The following PITRM1 variants were observed in gnomAD, a reference collection of about 807,000 sequenced individuals.
The protein encoded by PITRM1 is pitrilysin metallopeptidase 1.
In PITRM1, 100 loss-of-function variants were observed where a neutral mutation model predicts 129.9. That is an observed-to-expected ratio of 0.77 (90% CI 0.65 to 0.91). PITRM1 has a LOEUF of 0.91. Among genes scored for constraint, PITRM1 ranks in the 40% least tolerant of loss-of-function variants. The pLI, the probability that PITRM1 is intolerant of heterozygous loss-of-function variation, is 0.00. For missense variants in PITRM1, 1,471 were observed against 1,318.3 expected (o/e 1.12, Z -1.79); for synonymous variants, 591 against 508.8 (o/e 1.16, Z -2.17).
Position 3,143,396 on chromosome 10 carries a change from G to A in PITRM1, c.2638C>T (p.His880Tyr). ...IRTVPYTDPD[H>Y]ASLKILARLM... is the part of the protein sequence containing the mutation. ...CGACCTACACCCTCCTACCTGGCAT[G>A]ATCTGGGTCCGTGTAGGGGACAGTT... Residue 880 changes from histidine to tyrosine, a missense_variant, in exon 23 of 27, where the codon CAT becomes TAT. By Grantham distance (83) the His-to-Tyr change is moderately conservative. Transcript: ENST00000224949. 2 of 1,603,466 alleles carry A rather than the reference G, an allele frequency of 1.2e-6. No individual in the cohort carries two copies. The highest frequency in any genetic ancestry group is 8.5e-7 in the Non-Finnish European group (1 of 1,170,258).
At chr10:3,146,541 C>T (rs1180436654) in intron 20 of PITRM1, 3 of 152,398 alleles carry the variant, frequency 2.0e-5, no homozygotes, top group African/African-American at 7.2e-5. Flanking sequence ...CCAGGCTTCA[C>T]CTCTGGCCAC....
Position 3,163,669 on chromosome 10 carries a change from CACAA to C in PITRM1, c.791+52_791+55del, listed in dbSNP as rs543965496. The stretch of plus-strand genomic sequence containing the variant: ...AAGCCATGCCATAAACTGTTAAGAA[CACAA>C]ACAAGTCAACTTTTCACAATCCACC... On this transcript the variant is annotated intron_variant, in intron 7 of 26. Coordinates refer to ENST00000224949, the MANE Select transcript of PITRM1 (RefSeq NM_014889.4). 1.0e-4 allele frequency: 148 copies of C among 1,445,158 alleles called. No homozygotes were observed. The African/African-American group carries it at 1.4e-3, about 14-fold the overall frequency. The allele number at this position is 1,445,158 out of a possible 1,614,324, so 89.5% of individuals were successfully genotyped here. A position where few individuals can be genotyped will look rare whatever the true frequency, so the allele number is the denominator to read the frequency against.
rs1305330364 is a variant in PITRM1 at position 3,140,530 on chromosome 10, T to C, written c.2771+157A>G. On this transcript the variant is annotated intron_variant, in intron 24 of 26. Transcript: ENST00000224949. ...CCTAATCCTCGCGCCAGAAAGGACA[T>C]TGCTGGGTGTGGCTAAGTGCCCAAG... Among the ~76,000 whole-genome samples, 6 of 152,150 alleles carry C rather than the reference T, an allele frequency of 3.9e-5. No homozygotes were observed. The East Asian group carries it at 1.2e-3, about 29-fold the overall frequency.
At chr10:3,138,422 A>G in intron 25 of PITRM1, 85 bp from the exon 26 acceptor site, 3 of 867,416 alleles carry the variant, frequency 3.5e-6, no homozygotes, top group Non-Finnish European at 5.8e-6. Flanking sequence ...GAGGGGACAC[A>G]GGCATCTCAC....
intron 1 of PITRM1, among the ~76,000 whole-genome samples, chr10:3,171,444 G>T (rs985900873): frequency 1.3e-5 from 2 of 151,854 alleles, no homozygotes; most frequent in African/African-American, 4.8e-5. Flanking sequence ...TGGTCACAGG[G>T]ACACTAATTT....
intron 10 of PITRM1, 77 bp downstream of exon 10, chr10:3,158,837 G>C: frequency 3.7e-6 from 5 of 1,339,742 alleles, no homozygotes; most frequent in Non-Finnish European, 5.2e-6. Flanking sequence ...GTGGGGCCGG[G>C]ACAGGGTGCG....
Position 3,143,372 on chromosome 10 carries a change from G to A in PITRM1, c.2645+17C>T, listed in dbSNP as rs200241876. ...GTAAGGCTCAGGCCTGAGAGGTCCCGACCTACACCCTCCTACCTGGCATGA... is the reference window on the plus strand; with the variant it reads ...GTAAGGCTCAGGCCTGAGAGGTCCCAACCTACACCCTCCTACCTGGCATGA... On this transcript the variant is annotated intron_variant, in intron 23 of 26. Coordinates refer to ENST00000224949, the MANE Select transcript of PITRM1 (RefSeq NM_014889.4). The A allele has an allele frequency of 2.7e-4, 403 of 1,519,258 alleles. No individual in the cohort carries two copies. The highest frequency in any genetic ancestry group is 7.3e-4 in the African/African-American group (53 of 73,066). 94.1% of individuals were successfully genotyped at this position (1,519,258 alleles called of 1,614,324 possible).
In PITRM1 at chr10:3,170,094, C is replaced by G; in HGVS notation, c.159+10G>C. 1 of 1,594,952 alleles carries G rather than the reference C, an allele frequency of 6.3e-7. No individual in the cohort carries two copies. The highest frequency in any genetic ancestry group is 8.6e-7 in the Non-Finnish European group (1 of 1,162,686). On this transcript the variant is annotated intron_variant, in intron 2 of 26. Transcript: ENST00000224949. ...TGGATTTATAAGGAGGTGCCGAGGA[C>G]GACCCATACCTGGTTTACGGTGAAT...
intron 14 of PITRM1, among the ~76,000 whole-genome samples, chr10:3,153,621 A>T (rs1841712310): frequency 6.6e-6 from 1 of 152,074 alleles, no homozygotes; most frequent in South Asian, 2.1e-4. Flanking sequence ...TCCGTCTCAA[A>T]AAAAAAACCA....
chr10:3,152,770 C>T (rs796948498), intron 14 of PITRM1, among the ~76,000 whole-genome samples: 8 of 152,370 alleles, frequency 5.3e-5, no homozygotes, highest in African/African-American at 1.9e-4. Context: ...TCTTCCCTGA[C>T]CCGGTTTCCC....
chr10:3,144,310 G>T lies in PITRM1; in HGVS notation c.2514C>A (p.Val838=). 6.4e-7 allele frequency: 1 copy of T among 1,559,404 alleles called. No homozygotes were observed. Among genetic ancestry groups the T allele is most frequent in the Non-Finnish European group, 8.7e-7 (1 of 1,150,060 alleles). ...TTCTTACCATGACCAGCTTCCTAAT[G>T]ACCTGGGAGCCATGGGGAACGTGGG... ...GDAHVPHGSQ[V]IRKLVMEPTF... is the part of the protein sequence containing the mutation. The change falls in exon 22 of 27, where the codon GTC becomes GTA. Residue 838 remains valine (V), a synonymous_variant. Coordinates refer to ENST00000224949, the MANE Select transcript of PITRM1 (RefSeq NM_014889.4).
chr10:3,148,245 C>G lies in PITRM1; in HGVS notation c.1918G>C (p.Glu640Gln). The change falls in exon 17 of 27, where the codon GAA (glutamate) becomes CAA (glutamine). Residue 640 changes from glutamate to glutamine, a missense_variant. Transcript: ENST00000224949. The part of the protein sequence containing the change: ...LDYREQAQQI[E>Q]LKTGGMSASP... ...GCACTCATCCCTCCGGTCTTCAATTCTATCTGCTGAGCCTGCTCCCGGTAG... is the reference window on the plus strand; with the variant it reads ...GCACTCATCCCTCCGGTCTTCAATTGTATCTGCTGAGCCTGCTCCCGGTAG... The G allele has an allele frequency of 6.2e-7, 1 of 1,613,962 alleles. No homozygotes were observed.
At position 3,155,633 on chromosome 10, in the gene PITRM1, C is replaced by G. The variant is rs752614003; in HGVS notation, c.1579G>C (p.Glu527Gln). The G allele has an allele frequency of 3.7e-6, 6 of 1,613,902 alleles. No individual in the cohort carries two copies. The South Asian group carries it at 6.6e-5, about 18-fold the overall frequency. Residue 527 changes from glutamate (E) to glutamine (Q), a missense_variant, in exon 14 of 27, where the codon GAG becomes CAG. By Grantham distance (29) the Glu-to-Gln change is conservative (BLOSUM62 2). Transcript: ENST00000224949. ...TGCCTGTCTCCGGGGGACAGAGCCT[C>G]GACCTTCTGCTTGAGCTTCGTGGCT... The part of the protein sequence containing the change: ...VEATKLKQKV[E>Q]ALSPGDRQQI...
Position 3,138,934 on chromosome 10 carries a change from C to T in PITRM1, c.2887G>A (p.Val963Ile), listed in dbSNP as rs17849904. The T allele has an allele frequency of 0.078, 125,535 of 1,613,446 alleles. 5,579 individuals carry two copies. The highest frequency in any genetic ancestry group is 0.092 in the Non-Finnish European group (108,419 of 1,179,398). The part of the protein sequence containing the change: ...DEAKLSVFST[V>I]DAPVAPSDKG... ...TCTGAAGGAGCGACAGGAGCATCTA[C>T]GGTTGAGAAGACAGAAAGTTTGGCT... Residue 963 changes from valine (V) to isoleucine (I), a missense_variant, in exon 25 of 27, where the codon GTA becomes ATA. Physicochemically the swap from Val to Ile is conservative, Grantham distance 29. Transcript: ENST00000224949.
Position 3,138,991 on chromosome 10 carries a change from A to C in PITRM1, c.2830T>G (p.Ser944Ala). 6.2e-7 allele frequency: 1 copy of C among 1,613,896 alleles called. No homozygotes were observed. The highest frequency in any genetic ancestry group is 8.5e-7 in the Non-Finnish European group (1 of 1,179,784). Residue 944 changes from serine to alanine, a missense_variant, in exon 25 of 27, where the codon TCT becomes GCT. By Grantham distance (99) the Ser-to-Ala change is moderately conservative. Transcript: ENST00000224949. ...SFGKAVDWAK[S>A]GKFTQQDIDE... ...ATGTCTTGCTGTGTGAATTTTCCAG[A>C]CTTAGCCCAGTCGACAGCCTTCCCA...
chr10:3,143,970 G>A (rs943163216), intron 22 of PITRM1: 1 of 529,586 alleles, frequency 1.9e-6, no homozygotes, highest in Non-Finnish European at 3.4e-6. Context: ...CAGCTCGGGA[G>A]CTACGTTCAA....
chr10:3,148,924 T>C (rs564022845), intron 16 of PITRM1: 5 of 152,470 alleles, frequency 3.3e-5, no homozygotes, highest in African/African-American at 1.2e-4. Context: ...GAAGACATTT[T>C]TCCATCTGAG....
chr10:3,162,529 C>T (rs1842537917), intron 7 of PITRM1, among the ~76,000 whole-genome samples: 1 of 152,186 alleles, frequency 6.6e-6, no homozygotes, highest in East Asian at 1.9e-4. Context: ...GCAGATCTTC[C>T]CAAGGCAGTG....
In PITRM1 at chr10:3,158,903, C is replaced by G; in HGVS notation, c.1136+11G>C. 1 of 1,612,672 alleles carries G rather than the reference C, an allele frequency of 6.2e-7. No homozygotes were observed. The highest frequency in any genetic ancestry group is 8.5e-7 in the Non-Finnish European group (1 of 1,179,266). ...ATGAGAACTACTGATCTAATCTAAT[C>G]ATAAACTCACCCAACATCAGGAGAA... On this transcript the variant is annotated intron_variant, in intron 10 of 26. Coordinates refer to ENST00000224949, the MANE Select transcript of PITRM1 (RefSeq NM_014889.4).
Sources: allele counts gnomAD v4.1 joint callset (sites outside exome capture counted in the v4.1 genomes callset), GRCh38; gene constraint gnomAD v4.1.1; transcripts MANE v1.5; gene names NCBI Gene and HGNC (gene_info 2026-07-23, HGNC 2026-07-21).